CDKAL1: variants seen among roughly 807,000 people sequenced by gnomAD.
CDKAL1 encodes the protein CDKAL1 threonylcarbamoyladenosine tRNA methylthiotransferase.
In CDKAL1, 32 loss-of-function variants were observed where a neutral mutation model predicts 68.2. That is an observed-to-expected ratio of 0.47 (90% CI 0.35 to 0.63). The LOEUF (loss-of-function observed/expected upper bound fraction) is 0.63, where lower values mean the gene tolerates loss of function less well. CDKAL1 is among the 30% of genes least tolerant of loss of function. CDKAL1 has a pLI of 0.00. For synonymous variants in CDKAL1, 234 were observed against 244.3 expected (o/e 0.96, Z 0.39); for missense variants, 606 against 696.7 (o/e 0.87, Z 1.47).
chr6:20,552,084 A>G (rs925137711), intron 4 of CDKAL1, among the ~76,000 whole-genome samples: 1 of 151,596 alleles, frequency 6.6e-6, no homozygotes, highest in African/African-American at 2.4e-5. Context: ...GCCTGCTGTA[A>G]TCCCAGCACT....
intron 7 of CDKAL1, among the ~76,000 whole-genome samples, chr6:20,770,635 G>A (rs1332547797): frequency 6.6e-6 from 1 of 152,110 alleles, no homozygotes; most frequent in Non-Finnish European, 1.5e-5. Flanking sequence ...AGAATCTCAA[G>A]CCCACATAAT....
At chr6:20,966,656 C>T (rs954393900) in intron 10 of CDKAL1, among the ~76,000 whole-genome samples, 10 of 152,064 alleles carry the variant, frequency 6.6e-5, no homozygotes, top group Non-Finnish European at 1.3e-4. Context: ...ATCAATATAA[C>T]ATTGATTAGA....
intron 9 of CDKAL1, among the ~76,000 whole-genome samples, chr6:20,864,846 A>G (rs1333892261): frequency 3.9e-5 from 6 of 152,196 alleles, no homozygotes; most frequent in Non-Finnish European, 7.4e-5. Flanking sequence ...TACATGCTGC[A>G]TGATATTTAT....
At position 20,797,821 on chromosome 6, in the gene CDKAL1, T is replaced by G. The variant is rs560823716; in HGVS notation, c.638+16556T>G. ...TTTATTTTATTTTATTTTATTTTAT[T>G]TTATTTTTTCTTGGAGACAGGGTCT... On this transcript the variant is annotated intron_variant, in intron 8 of 15. Coordinates refer to ENST00000274695, the MANE Select transcript of CDKAL1 (RefSeq NM_017774.3). 2.0e-3 allele frequency among the ~76,000 whole-genome samples: 277 copies of G among 138,422 alleles called. 1 individual carries two copies. The highest frequency in any genetic ancestry group is 6.9e-3 in the African/African-American group (256 of 36,958). The allele number at this position is 138,422 out of a possible 152,430, so 90.8% of individuals were successfully genotyped here.
intron 13 of CDKAL1, among the ~76,000 whole-genome samples, chr6:21,153,867 G>A (rs1425308085): frequency 6.6e-6 from 1 of 152,178 alleles, no homozygotes; most frequent in African/African-American, 2.4e-5. Flanking sequence ...TCCTCTGGAT[G>A]TTTAAAGTCA....
intron 4 of CDKAL1, among the ~76,000 whole-genome samples, chr6:20,596,068 C>T (rs1290504167): frequency 3.9e-5 from 6 of 152,154 alleles, no homozygotes; most frequent in Admixed American, 2.0e-4. Context: ...AGATGCCAGC[C>T]GGAGCTCTCC....
chr6:20,751,167 A>G lies in CDKAL1; in HGVS notation c.469-7428A>G, dbSNP rs1490577297. ...GTTTTTCAGGAAAAATGATACTTCA[A>G]GTGCATACTAAAACAGAACCTTCGA... On this transcript the variant is annotated intron_variant, in intron 6 of 15. Coordinates refer to ENST00000274695, the MANE Select transcript of CDKAL1 (RefSeq NM_017774.3). Among the ~76,000 whole-genome samples the G allele has an allele frequency of 2.0e-5, 3 of 152,118 alleles. 1 individual carries two copies. The highest frequency in any genetic ancestry group is 7.2e-5 in the African/African-American group (3 of 41,408).
chr6:20,578,112 T>A (rs1389318532), intron 4 of CDKAL1, among the ~76,000 whole-genome samples: 1 of 152,226 alleles, frequency 6.6e-6, no homozygotes, highest in African/African-American at 2.4e-5. Context: ...CACCTAAGTA[T>A]GTATAACATT....
chr6:20,777,036 T>G (rs1775201441), intron 7 of CDKAL1, among the ~76,000 whole-genome samples: 1 of 152,152 alleles, frequency 6.6e-6, no homozygotes, highest in Non-Finnish European at 1.5e-5. Flanking sequence ...ACATGTTTGG[T>G]GCAAGCAATG....
intron 10 of CDKAL1, among the ~76,000 whole-genome samples, chr6:20,981,634 G>A (rs914053155): frequency 1.3e-5 from 2 of 152,210 alleles, no homozygotes; most frequent in African/African-American, 4.8e-5. Context: ...GAGGTCAGGA[G>A]TTTGAGACCA....
chr6:21,057,000 T>C (rs1044798860), intron 11 of CDKAL1, among the ~76,000 whole-genome samples: 6 of 152,112 alleles, frequency 3.9e-5, no homozygotes, highest in African/African-American at 1.4e-4. Context: ...TATTGCATCG[T>C]TGCCAGATTT....
chr6:21,034,354 A>C (rs1231799737), intron 11 of CDKAL1, among the ~76,000 whole-genome samples: 1 of 152,192 alleles, frequency 6.6e-6, no homozygotes, highest in African/African-American at 2.4e-5. Context: ...TGGATCTGTA[A>C]CTTTTATGAG....
At chr6:20,697,531 T>G (rs765922256) in intron 5 of CDKAL1, among the ~76,000 whole-genome samples, 10 of 152,316 alleles carry the variant, frequency 6.6e-5, no homozygotes, top group South Asian at 6.2e-4. Flanking sequence ...TTTTCAGGAC[T>G]CTGGTTCTTG....
intron 13 of CDKAL1, among the ~76,000 whole-genome samples, chr6:21,145,231 T>C (rs1029657486): frequency 6.6e-6 from 1 of 152,212 alleles, no homozygotes; most frequent in Non-Finnish European, 1.5e-5. Flanking sequence ...TTCTCAATGA[T>C]GAAGAGCAGA....
chr6:20,834,030 T>G (rs199673839), intron 8 of CDKAL1, among the ~76,000 whole-genome samples: 2 of 152,246 alleles, frequency 1.3e-5, no homozygotes, highest in East Asian at 3.8e-4. Flanking sequence ...GAGCATCTGA[T>G]GCGTTCTCTA....
At chr6:20,955,690 A>ATT in intron 10 of CDKAL1, 105 bp downstream of exon 10, 24 of 823,248 alleles carry the variant, frequency 2.9e-5, no homozygotes, top group South Asian at 7.9e-5. Context: ...ACTCCTTCAC[A>ATT]TTTTTTTTTT....
chr6:20,866,286 AC>A (rs1759905300), intron 9 of CDKAL1, among the ~76,000 whole-genome samples: 1 of 152,206 alleles, frequency 6.6e-6, no homozygotes, highest in Admixed American at 6.5e-5. Context: ...TAAATGTGCA[AC>A]TGTTAATGAA....
In CDKAL1 at chr6:20,878,973, G is replaced by A. The variant is rs545148776; in HGVS notation, c.742+32795G>A. Among the ~76,000 whole-genome samples the A allele has an allele frequency of 2.7e-3, 409 of 150,368 alleles. 1 individual carries two copies. Among genetic ancestry groups the A allele is most frequent in the African/African-American group, 9.0e-3 (367 of 40,862 alleles). The stretch of plus-strand genomic sequence containing the variant: ...GGGCGCCTGTAATCCCAGCTACTCG[G>A]GAGGCTGAGGCAGGAGAATCACTTG... On this transcript the variant is annotated intron_variant, in intron 9 of 15. Transcript: ENST00000274695.
intron 4 of CDKAL1, among the ~76,000 whole-genome samples, chr6:20,612,898 G>A (rs1766680907): frequency 6.6e-6 from 1 of 151,444 alleles, no homozygotes; most frequent in Admixed American, 6.6e-5. Flanking sequence ...AATTCAAAGG[G>A]AACCAAAACC....
Sources: gnomAD v4.1 joint callset for allele counts (sites outside exome capture counted in the v4.1 genomes callset) on GRCh38, gnomAD v4.1.1 for gene constraint, MANE v1.5 for transcripts, NCBI Gene and HGNC (gene_info 2026-07-23, HGNC 2026-07-21) for gene names.